Variants in FOXP1 observed in about 807,000 individuals in gnomAD.
FOXP1 encodes forkhead box protein P1.
In FOXP1, 15 loss-of-function variants were observed where a neutral mutation model predicts 98.2. The observed-to-expected ratio is 0.15, with a 90% CI of 0.10 to 0.24. The LOEUF (loss-of-function observed/expected upper bound fraction) is 0.24, where lower values mean the gene tolerates loss of function less well. Among genes scored for constraint, FOXP1 ranks in the 10% least tolerant of loss-of-function variants. The probability of loss-of-function intolerance (pLI) is 1.00; values close to 1 mark genes in which losing one functional copy is unlikely to be tolerated. For synonymous variants in FOXP1, 371 were observed against 314.5 expected, an observed-to-expected ratio of 1.18 and a Z score of -1.90; for missense variants, 633 against 848.5, an observed-to-expected ratio of 0.75 and a Z score of 3.15.
chr3:71,487,688 A>G (rs1272671969), intron 3 of FOXP1, among the ~76,000 whole-genome samples: 2 of 152,248 alleles, frequency 1.3e-5, no homozygotes, highest in African/African-American at 4.8e-5. Context: ...TAATTTAGCC[A>G]AAAGGTTTGA....
At chr3:71,021,217 C>T (rs147516600) in intron 11 of FOXP1, among the ~76,000 whole-genome samples, 2 of 152,336 alleles carry the variant, frequency 1.3e-5, no homozygotes, top group African/African-American at 4.8e-5. Flanking sequence ...CAACTCCCAG[C>T]CCTTGCCAAT....
intron 2 of FOXP1, among the ~76,000 whole-genome samples, chr3:71,539,346 C>T (rs1255254258): frequency 6.9e-6 from 1 of 144,484 alleles, no homozygotes; most frequent in Non-Finnish European, 1.5e-5. Flanking sequence ...TGGTCTCGAT[C>T]TCCTGACCTC....
At chr3:71,117,652 A>G (rs1393013067) in intron 6 of FOXP1, among the ~76,000 whole-genome samples, 1 of 152,184 alleles carries the variant, frequency 6.6e-6, no homozygotes, top group Non-Finnish European at 1.5e-5. Flanking sequence ...TCTTTTAAGA[A>G]GCAAGGATCA....
chr3:71,244,544 G>A (rs1212273624), intron 5 of FOXP1, among the ~76,000 whole-genome samples: 2 of 151,336 alleles, frequency 1.3e-5, no homozygotes, highest in Non-Finnish European at 2.9e-5. Context: ...AAAGAAATAC[G>A]CCCAAGTAGA....
intron 5 of FOXP1, among the ~76,000 whole-genome samples, chr3:71,230,198 C>A (rs766453259): frequency 1.3e-5 from 2 of 152,170 alleles, no homozygotes; most frequent in African/African-American, 2.4e-5. Flanking sequence ...CGTCACTGTG[C>A]GGCTGTGAAG....
rs140307605 is a variant in FOXP1, at chr3:71,254,687, T to C, written c.-12+45133A>G. On this transcript the variant is annotated intron_variant, in intron 5 of 20. Coordinates refer to ENST00000649528, the MANE Select transcript of FOXP1 (RefSeq NM_001349338.3). ...TTACACACTGAAGAGGGCTTTACTGTTAGCCCTGAAAAATTTCACTCTTTT... is the reference window on the plus strand; with the variant it reads ...TTACACACTGAAGAGGGCTTTACTGCTAGCCCTGAAAAATTTCACTCTTTT... Among the ~76,000 whole-genome samples, 474 of 152,300 alleles carry C rather than the reference T, an allele frequency of 3.1e-3. 4 individuals are homozygous for C. Among genetic ancestry groups the C allele is most frequent in the Middle Eastern group, 0.024 (7 of 294 alleles).
chr3:71,574,264 C>A (rs892648652), intron 2 of FOXP1: 2 of 152,106 alleles, frequency 1.3e-5, no homozygotes, highest in African/African-American at 4.8e-5. Context: ...TAAAGCCACA[C>A]CTAAAGCCAA....
At chr3:71,019,446 A>AAGGTGTATTTTACCAC (rs1281410746) in intron 11 of FOXP1, among the ~76,000 whole-genome samples, 2 of 152,246 alleles carry the variant, frequency 1.3e-5, no homozygotes, top group African/African-American at 4.8e-5. Flanking sequence ...ATTGTTTAAT[A>AAGGTGTATTTTACCAC]AGGTGTATTT....
intron 3 of FOXP1, among the ~76,000 whole-genome samples, chr3:71,367,323 C>G (rs1203285800): frequency 6.6e-6 from 1 of 152,202 alleles, no homozygotes; most frequent in Non-Finnish European, 1.5e-5. Context: ...CATACACATA[C>G]ACACTCCCTC....
At chr3:71,480,113 T>C (rs2090158279) in intron 3 of FOXP1, among the ~76,000 whole-genome samples, 1 of 152,182 alleles carries the variant, frequency 6.6e-6, no homozygotes, top group Admixed American at 6.5e-5. Context: ...GAAGAATTGG[T>C]TGACCCCGGG....
Position 71,474,755 on chromosome 3 carries a change from C to G in FOXP1, c.-168+18671G>C, listed in dbSNP as rs962488165. ...TTGCAGGAAAACAAGCTCAGGGCTC[C>G]CACTGATTCTATATTATGGTGAGTT... On this transcript the variant is annotated intron_variant, in intron 3 of 20. Coordinates refer to ENST00000649528, the MANE Select transcript of FOXP1 (RefSeq NM_001349338.3). 2.0e-5 allele frequency among the ~76,000 whole-genome samples: 3 copies of G among 151,802 alleles called. No individual in the cohort carries two copies. The East Asian group carries it at 5.8e-4, about 29-fold the overall frequency.
At chr3:71,383,461 A>G (rs1402224074) in intron 3 of FOXP1, among the ~76,000 whole-genome samples, 1 of 152,174 alleles carries the variant, frequency 6.6e-6, no homozygotes, top group Admixed American at 6.5e-5. Flanking sequence ...TCAATGAGAA[A>G]ATGTTGGTAT....
chr3:71,225,389 T>G (rs1042916517), intron 5 of FOXP1, among the ~76,000 whole-genome samples: 4 of 152,230 alleles, frequency 2.6e-5, no homozygotes, highest in Non-Finnish European at 2.9e-5. Context: ...GAATTAATAC[T>G]TTCTTCCCAA....
chr3:71,205,298 A>G (rs1171034906), intron 5 of FOXP1, among the ~76,000 whole-genome samples: 1 of 152,210 alleles, frequency 6.6e-6, no homozygotes, highest in Admixed American at 6.5e-5. Context: ...TGAGGGCCAA[A>G]ACTGAACATT....
chr3:71,410,082 C>T (rs1288390322), intron 3 of FOXP1, among the ~76,000 whole-genome samples: 3 of 152,174 alleles, frequency 2.0e-5, no homozygotes, highest in Non-Finnish European at 4.4e-5. Flanking sequence ...TATTTTACCT[C>T]TCTCAGTGTC....
rs57192818 is a variant in FOXP1, at chr3:71,019,846, AAAAAC to A, written c.870-4198_870-4194del. Among the ~76,000 whole-genome samples the A allele has an allele frequency of 5.2e-4, 79 of 151,846 alleles. 1 individual carries two copies. Among genetic ancestry groups the A allele is most frequent in the Middle Eastern group, 6.8e-3 (2 of 292 alleles). On this transcript the variant is annotated intron_variant, in intron 11 of 20. Transcript: ENST00000649528. ...AGCGAGACACGGTCCCCCCCCCAAA[AAAAAC>A]AAAACAAAACAAAACAAAACAAAAC...
intron 3 of FOXP1, among the ~76,000 whole-genome samples, chr3:71,365,808 C>A (rs2078885011): frequency 6.6e-6 from 1 of 152,142 alleles, no homozygotes; most frequent in South Asian, 2.1e-4. Flanking sequence ...CACGGTGAAA[C>A]CCCATCTCTA....
chr3:70,981,220 C>T (rs1182825385), intron 14 of FOXP1, among the ~76,000 whole-genome samples: 1 of 95,868 alleles, frequency 1.0e-5, no homozygotes, highest in African/African-American at 3.8e-5. Context: ...AAAAAAAAAG[C>T]AACAGCGAAA....
chr3:71,425,098 T>TTC (rs1202285340), intron 3 of FOXP1, among the ~76,000 whole-genome samples: 1 of 152,038 alleles, frequency 6.6e-6, no homozygotes, highest in African/African-American at 2.4e-5. Flanking sequence ...TTTTCCTGTT[T>TTC]TTTTTTGTTT....
Sources: allele counts gnomAD v4.1 joint callset (sites outside exome capture counted in the v4.1 genomes callset), GRCh38; gene constraint gnomAD v4.1.1; transcripts MANE v1.5; gene names NCBI Gene and HGNC (gene_info 2026-07-23, HGNC 2026-07-21).